AUTS2: variants seen among roughly 807,000 people sequenced by gnomAD.
The protein encoded by AUTS2 is activator of transcription and developmental regulator AUTS2.
Under a neutral mutation model 112.4 loss-of-function variants are expected in AUTS2, and 17 were observed. The observed-to-expected ratio is 0.15, with a 90% CI of 0.10 to 0.23. The LOEUF (loss-of-function observed/expected upper bound fraction) is 0.23, where lower values mean the gene tolerates loss of function less well. Ranked by LOEUF, AUTS2 falls within the 10% of genes least tolerant of loss-of-function variation. The probability of loss-of-function intolerance (pLI) is 1.00; values close to 1 mark genes in which losing one functional copy is unlikely to be tolerated. For synonymous variants in AUTS2, 751 were observed against 702.7 expected (o/e 1.07, Z -1.09); for missense variants, 1,510 against 1,701.6 (o/e 0.89, Z 1.98).
intron 4 of AUTS2, among the ~76,000 whole-genome samples, chr7:70,381,180 C>G (rs2129632569): frequency 6.6e-6 from 1 of 152,214 alleles, no homozygotes; most frequent in Non-Finnish European, 1.5e-5. Context: ...TTGAAAATTA[C>G]TGATTATATA....
intron 4 of AUTS2, among the ~76,000 whole-genome samples, chr7:70,387,117 C>T (rs1446815553): frequency 6.6e-6 from 1 of 152,206 alleles, no homozygotes; most frequent in Non-Finnish European, 1.5e-5. Context: ...GCTGCCTCCT[C>T]AAGCTACCAT....
chr7:70,073,510 C>CAA (rs778228658), intron 2 of AUTS2, among the ~76,000 whole-genome samples: 11 of 65,202 alleles, frequency 1.7e-4, no homozygotes, highest in East Asian at 4.4e-4. Context: ...GACCTCATCT[C>CAA]AAAAAAAAAA....
intron 5 of AUTS2, among the ~76,000 whole-genome samples, chr7:70,555,083 A>G (rs1801192192): frequency 6.6e-6 from 1 of 152,264 alleles, no homozygotes; most frequent in Admixed American, 6.5e-5. Flanking sequence ...AGAGAAAAAC[A>G]TGAGCAAATA....
In AUTS2 at chr7:69,686,054, C is replaced by T. The variant is rs1445334831; in HGVS notation, c.309+86092C>T. 5.3e-5 allele frequency among the ~76,000 whole-genome samples: 8 copies of T among 152,256 alleles called. No individual in the cohort carries two copies. The East Asian group carries it at 5.8e-4, about 11-fold the overall frequency. On this transcript the variant is annotated intron_variant, in intron 1 of 18. Coordinates refer to ENST00000342771, the MANE Select transcript of AUTS2 (RefSeq NM_015570.4). The stretch of plus-strand genomic sequence containing the variant: ...ACTGTCAGGAAGGAGGGATATTAGA[C>T]TTCATGTATGGAACCATGGAGTGAG...
At chr7:69,665,067 G>A (rs1305648417) in intron 1 of AUTS2, among the ~76,000 whole-genome samples, 3 of 152,158 alleles carry the variant, frequency 2.0e-5, no homozygotes, top group Non-Finnish European at 4.4e-5. Flanking sequence ...TGGTAAAACA[G>A]GGTTGGTAAA....
At chr7:69,798,907 C>T (rs1398647960) in intron 1 of AUTS2, among the ~76,000 whole-genome samples, 1 of 151,842 alleles carries the variant, frequency 6.6e-6, no homozygotes, top group Non-Finnish European at 1.5e-5. Context: ...GGTTGGACTG[C>T]TTGAGCTCAG....
rs534135413 is a variant in AUTS2, at chr7:69,822,413, G to A, written c.310-76873G>A. 1.4e-3 allele frequency among the ~76,000 whole-genome samples: 218 copies of A among 152,272 alleles called. 1 individual carries two copies. The highest frequency in any genetic ancestry group is 2.7e-3 in the Admixed American group (42 of 15,288). ...AAGGTGGGAGGACTGTTTGAGCCCA[G>A]GAATTGGGACCAGTTGGGCAACACA... is the stretch of plus-strand genomic sequence containing the variant. On this transcript the variant is annotated intron_variant, in intron 1 of 18. Transcript: ENST00000342771.
At chr7:70,330,429 G>T (rs182477377) in intron 4 of AUTS2, among the ~76,000 whole-genome samples, 6 of 152,214 alleles carry the variant, frequency 3.9e-5, no homozygotes, top group Admixed American at 3.9e-4. Context: ...AAAATAAGTT[G>T]GCCATAGGCA....
chr7:70,290,581 G>T, intron 4 of AUTS2: 2 of 1,453,636 alleles, frequency 1.4e-6, no homozygotes, highest in Non-Finnish European at 1.8e-6. Context: ...ACTACTGTTA[G>T]CGTGACCCCA....
At chr7:70,673,368 C>T (rs1245695443) in intron 5 of AUTS2, among the ~76,000 whole-genome samples, 8 of 123,642 alleles carry the variant, frequency 6.5e-5, no homozygotes, top group Admixed American at 5.8e-4. Flanking sequence ...CTTTTTTTTT[C>T]TTTTCTTTTT....
chr7:69,814,820 A>G (rs1053097361), intron 1 of AUTS2, among the ~76,000 whole-genome samples: 1 of 152,200 alleles, frequency 6.6e-6, no homozygotes, highest in Non-Finnish European at 1.5e-5. Flanking sequence ...TGACCTCTTT[A>G]TGCTGCAGGG....
chr7:70,368,339 G>C (rs899254422), intron 4 of AUTS2, among the ~76,000 whole-genome samples: 1 of 152,152 alleles, frequency 6.6e-6, no homozygotes, highest in African/African-American at 2.4e-5. Context: ...GCAAGAGAGG[G>C]AAAGGATGAT....
intron 1 of AUTS2, among the ~76,000 whole-genome samples, chr7:69,747,968 AT>A (rs1030302878): frequency 5.9e-5 from 9 of 151,702 alleles, no homozygotes; most frequent in Admixed American, 5.9e-4. Context: ...TTAGCATTGT[AT>A]TTTTTTTCCT....
intron 4 of AUTS2, among the ~76,000 whole-genome samples, chr7:70,174,137 G>A (rs534637756): frequency 6.6e-6 from 1 of 152,336 alleles, no homozygotes; most frequent in East Asian, 1.9e-4. Flanking sequence ...AATAATAGGT[G>A]CTACTCCAGT....
At chr7:70,109,101 T>C (rs1325047486) in intron 2 of AUTS2, among the ~76,000 whole-genome samples, 1 of 152,178 alleles carries the variant, frequency 6.6e-6, no homozygotes, top group Non-Finnish European at 1.5e-5. Context: ...ACATTTTCTA[T>C]TTGAGAGTGG....
intron 2 of AUTS2, among the ~76,000 whole-genome samples, chr7:70,115,141 AC>A (rs1287002017): frequency 1.3e-5 from 2 of 152,158 alleles, no homozygotes; most frequent in African/African-American, 4.8e-5. Context: ...CAGATAATTT[AC>A]GTCAGGTCCA....
At chr7:69,646,857 C>T (rs928109908) in intron 1 of AUTS2, among the ~76,000 whole-genome samples, 20 of 152,258 alleles carry the variant, frequency 1.3e-4, no homozygotes, top group African/African-American at 4.3e-4. Flanking sequence ...GAGGGCGAGG[C>T]AGGCGGATCA....
At chr7:69,664,134 A>G (rs1795926317) in intron 1 of AUTS2, among the ~76,000 whole-genome samples, 1 of 152,204 alleles carries the variant, frequency 6.6e-6, no homozygotes, top group African/African-American at 2.4e-5. Flanking sequence ...GACAACACAA[A>G]GAGGGTACTT....
chr7:70,376,215 A>G (rs1793077043), intron 4 of AUTS2, among the ~76,000 whole-genome samples: 1 of 152,176 alleles, frequency 6.6e-6, no homozygotes, highest in Non-Finnish European at 1.5e-5. Flanking sequence ...TTTCCGTGTG[A>G]ACATCTTGCA....
Sources: allele counts gnomAD v4.1 joint callset (sites outside exome capture counted in the v4.1 genomes callset), GRCh38; gene constraint gnomAD v4.1.1; transcripts MANE v1.5; gene names NCBI Gene and HGNC (gene_info 2026-07-23, HGNC 2026-07-21).